Variants in ZNF331 observed in about 807,000 individuals in gnomAD.
The protein encoded by ZNF331 is zinc finger protein 331.
Under a neutral mutation model 7.0 loss-of-function variants are expected in ZNF331, and 2 were observed. That is an observed-to-expected ratio of 0.29 (90% CI 0.12 to 0.90). ZNF331 has a LOEUF of 0.90. Among genes scored for constraint, ZNF331 ranks in the 40% least tolerant of loss-of-function variants. The pLI is 0.58. For missense variants in ZNF331, 432 were observed against 587.7 expected (o/e 0.74, Z 2.74); for synonymous variants, 196 against 205.4 (o/e 0.95, Z 0.39).
upstream of ZNF331, among the ~76,000 whole-genome samples, chr19:53,517,597 A>G (rs950264994): frequency 6.6e-6 from 1 of 152,176 alleles, no homozygotes; most frequent in Admixed American, 6.5e-5. Context: ...TTATGTCTTC[A>G]TTACTCTCCC....
chr19:53,557,728 C>T lies in ZNF331; in HGVS notation c.-74+1820C>T, dbSNP rs1312409231. On this transcript the variant is annotated intron_variant, in intron 3 of 5. Coordinates refer to ENST00000449416, the MANE Select transcript of ZNF331 (RefSeq NM_001079906.2). ...TTGTAATCCCAGGACTTTAGGAGGC[C>T]GAGGCGGATAGATCACTTTGAGGCC... Among the ~76,000 whole-genome samples, 6 of 102,958 alleles carry T rather than the reference C, an allele frequency of 5.8e-5. No individual in the cohort carries two copies. In the East Asian group the frequency reaches 7.9e-4, roughly 14 times the overall value. The allele number at this position is 102,958 out of a possible 152,430, so 67.5% of individuals were successfully genotyped here. A position where few individuals can be genotyped will look rare whatever the true frequency, so the allele number is the denominator to read the frequency against.
upstream of ZNF331, among the ~76,000 whole-genome samples, chr19:53,519,748 C>T (rs529042868): frequency 1.1e-4 from 16 of 152,284 alleles, no homozygotes; most frequent in African/African-American, 3.9e-4. Flanking sequence ...CAGAGAGAGC[C>T]TTGGCACAGA....
At position 53,560,376 on chromosome 19, in the gene ZNF331, T is replaced by G. The variant is rs1464552214; in HGVS notation, c.-74+4468T>G. Among the ~76,000 whole-genome samples, 1 of 151,862 alleles carries G rather than the reference T, an allele frequency of 6.6e-6. No homozygotes were observed. Among genetic ancestry groups the G allele is most frequent in the Non-Finnish European group, 1.5e-5 (1 of 67,938 alleles). On this transcript the variant is annotated intron_variant, in intron 3 of 5. Coordinates refer to ENST00000449416, the MANE Select transcript of ZNF331 (RefSeq NM_001079906.2). This position sits in a 1 kb window ranked among gnomAD's most constrained non-coding sequence, Gnocchi z 4.3. ...ACAGACACATATACACACCCACAGATAGACACACATATACACAAACATACA... is the reference window on the plus strand; with the variant it reads ...ACAGACACATATACACACCCACAGAGAGACACACATATACACAAACATACA...
At chr19:53,574,409 C>T (rs1428538278) in intron 5 of ZNF331, among the ~76,000 whole-genome samples, 9 of 152,094 alleles carry the variant, frequency 5.9e-5, no homozygotes, top group Admixed American at 5.9e-4. Flanking sequence ...AGCTCAGGCC[C>T]AAAGCCTCTA....
chr19:53,570,311 A>T (rs1463027495), intron 4 of ZNF331, among the ~76,000 whole-genome samples: 1 of 151,974 alleles, frequency 6.6e-6, no homozygotes, highest in Non-Finnish European at 1.5e-5. Context: ...TATGGATGGT[A>T]ATAAATATGA....
chr19:53,570,743 C>G (rs1464082769), intron 4 of ZNF331, among the ~76,000 whole-genome samples: 2 of 151,968 alleles, frequency 1.3e-5, no homozygotes, highest in Non-Finnish European at 2.9e-5. Flanking sequence ...TGTTGGTCAA[C>G]CTGGTCTCGA....
Position 53,539,350 on chromosome 19 carries a change from T to C in ZNF331, c.-138+68T>C, listed in dbSNP as rs1185138195. 1 of 152,102 alleles carries C rather than the reference T, an allele frequency of 6.6e-6. No individual in the cohort carries two copies. The highest frequency in any genetic ancestry group is 1.5e-5 in the Non-Finnish European group (1 of 68,038). The allele number at this position is 152,102 out of a possible 1,614,324, so 9.4% of individuals were successfully genotyped here. Reference sequence around the variant, plus strand: ...AAGACTTAAGACCAAACATTAAAGGTAGATGACCAAGATTTGAGTCCTGTT... The same window carrying C: ...AAGACTTAAGACCAAACATTAAAGGCAGATGACCAAGATTTGAGTCCTGTT... On this transcript the variant is annotated intron_variant, in intron 2 of 5. Coordinates refer to ENST00000449416, the MANE Select transcript of ZNF331 (RefSeq NM_001079906.2). The surrounding 1 kb of genome is among the most constrained non-coding windows in gnomAD (Gnocchi z 6.1).
chr19:53,508,199 T>G, the ZNF331 span, among the ~76,000 whole-genome samples: 1 of 152,152 alleles, frequency 6.6e-6, no homozygotes, highest in Non-Finnish European at 1.5e-5. Context: ...AGGCCGGGCT[T>G]GTGGTTCTTG....
chr19:53,567,925 A>G (rs1418041430), intron 3 of ZNF331, among the ~76,000 whole-genome samples: 1 of 152,032 alleles, frequency 6.6e-6, no homozygotes, highest in Non-Finnish European at 1.5e-5. Flanking sequence ...AGTTTATTAC[A>G]AGGAAAGGAT....
chr19:53,560,074 TACAC>T lies in ZNF331; in HGVS notation c.-74+4172_-74+4175del, dbSNP rs536728168. 6.7e-6 allele frequency among the ~76,000 whole-genome samples: 1 copy of T among 148,698 alleles called. No individual in the cohort carries two copies. The highest frequency in any genetic ancestry group is 2.5e-5 in the African/African-American group (1 of 40,304). Reference sequence around the variant, plus strand: ...TATACACACCTACATATACATACCATACACACACATATATACACACATATACCCA... The same window carrying T: ...TATACACACCTACATATACATACCATACACATATATACACACATATACCCA... On this transcript the variant is annotated intron_variant, in intron 3 of 5. Transcript: ENST00000449416. This position sits in a 1 kb window ranked among gnomAD's most constrained non-coding sequence, Gnocchi z 4.3.
In ZNF331 at chr19:53,573,126, G is replaced by A. The variant is rs2090544954; in HGVS notation, c.136+1396G>A. On this transcript the variant is annotated intron_variant, in intron 5 of 5. Transcript: ENST00000449416. The surrounding 1 kb of genome is among the most constrained non-coding windows in gnomAD (Gnocchi z 4.2). ...CTCAGCTACTCCGGAGGCTGGTGCA[G>A]GAGAATCATTTGAACCTGGGAAGCA... 6.6e-6 allele frequency among the ~76,000 whole-genome samples: 1 copy of A among 152,120 alleles called. No individual in the cohort carries two copies. The highest frequency in any genetic ancestry group is 6.6e-5 in the Admixed American group (1 of 15,252).
intron 2 of ZNF331, among the ~76,000 whole-genome samples, chr19:53,551,006 AT>A (rs1220317998): frequency 1.4e-5 from 2 of 147,352 alleles, no homozygotes; most frequent in East Asian, 2.0e-4. Context: ...TAATTATTGT[AT>A]TTTTTAGTAG....
chr19:53,578,573 A>T lies in ZNF331; in HGVS notation c.*621A>T. 1 of 211,830 alleles carries T rather than the reference A, an allele frequency of 4.7e-6. No individual in the cohort carries two copies. Among genetic ancestry groups the T allele is most frequent in the Non-Finnish European group, 9.5e-6 (1 of 104,744 alleles). 13.1% of individuals were successfully genotyped at this position (211,830 alleles called of 1,614,324 possible). On this transcript the variant is annotated 3_prime_UTR_variant, in exon 6 of 6. Transcript: ENST00000449416. ...TAAATTAAACTTTAGATATGTATGT[A>T]CAGGAAAAAATGTAGTATATAGTAT... is the stretch of plus-strand genomic sequence containing the variant.
chr19:53,565,350 T>A (rs1568526914), intron 3 of ZNF331, among the ~76,000 whole-genome samples: 1 of 152,114 alleles, frequency 6.6e-6, no homozygotes. Flanking sequence ...ATACCTTAGG[T>A]AATTTTTTTC....
At chr19:53,568,849 C>CTTTTTTTT (rs537822108) in intron 3 of ZNF331, among the ~76,000 whole-genome samples, 1 of 77,100 alleles carries the variant, frequency 1.3e-5, no homozygotes, top group Non-Finnish European at 2.3e-5. Flanking sequence ...CCATGATACT[C>CTTTTTTTT]TTTTTTTTTT....
In ZNF331 at chr19:53,578,354, C is replaced by G. The variant is rs1433423191; in HGVS notation, c.*402C>G. 1 of 240,116 alleles carries G rather than the reference C, an allele frequency of 4.2e-6. No individual in the cohort carries two copies. The highest frequency in any genetic ancestry group is 6.0e-5 in the East Asian group (1 of 16,652). The allele number at this position is 240,116 out of a possible 1,614,324, so 14.9% of individuals were successfully genotyped here. A position where few individuals can be genotyped will look rare whatever the true frequency, so the allele number is the denominator to read the frequency against. ...GCCAAAGAGAAGCCACAAAGTGCTTCCTTTTAAATGAAAAGGTGAAAGTTC... is the reference window on the plus strand; with the variant it reads ...GCCAAAGAGAAGCCACAAAGTGCTTGCTTTTAAATGAAAAGGTGAAAGTTC... On this transcript the variant is annotated 3_prime_UTR_variant, in exon 6 of 6. Transcript: ENST00000449416.
chr19:53,558,940 C>T lies in ZNF331; in HGVS notation c.-74+3032C>T, dbSNP rs561085226. On this transcript the variant is annotated intron_variant, in intron 3 of 5. Coordinates refer to ENST00000449416, the MANE Select transcript of ZNF331 (RefSeq NM_001079906.2). This position sits in a 1 kb window ranked among gnomAD's most constrained non-coding sequence, Gnocchi z 4.5. The stretch of plus-strand genomic sequence containing the variant: ...TATATACACACACATACACACCATA[C>T]ACACATATACACATACCATATACAC... 0.025 allele frequency among the ~76,000 whole-genome samples: 2,615 copies of T among 102,726 alleles called. 133 individuals are homozygous for T. The highest frequency in any genetic ancestry group is 0.13 in the African/African-American group (2,345 of 18,090). The allele number at this position is 102,726 out of a possible 152,430, so 67.4% of individuals were successfully genotyped here. A position where few individuals can be genotyped will look rare whatever the true frequency, so the allele number is the denominator to read the frequency against.
upstream of ZNF331, chr19:53,520,981 T>C (rs11084261): frequency 0.38 from 58,139 of 151,882 alleles, 11,325 homozygotes; most frequent in South Asian, 0.48. Flanking sequence ...TCCAGCTGCG[T>C]CGAAGCTTCT....
At chr19:53,556,312 G>A (rs1167871116) in intron 3 of ZNF331, among the ~76,000 whole-genome samples, 5 of 150,578 alleles carry the variant, frequency 3.3e-5, no homozygotes, top group South Asian at 4.2e-4. Flanking sequence ...CCAAGATGAC[G>A]ACTGATTATT....
Sources: allele counts gnomAD v4.1 joint callset (sites outside exome capture counted in the v4.1 genomes callset), GRCh38; gene constraint gnomAD v4.1.1; non-coding constraint Gnocchi (gnomAD v3.1); transcripts MANE v1.5; gene names NCBI Gene and HGNC (gene_info 2026-07-23, HGNC 2026-07-21).